WDR93: variants seen among roughly 807,000 people sequenced by gnomAD.
WDR93 encodes the protein WD repeat-containing protein 93.
WDR93 carries 73 observed loss-of-function variants against 82.9 expected under a neutral mutation model. The observed-to-expected ratio is 0.88, with a 90% CI of 0.73 to 1.07. The LOEUF is 1.07. WDR93 is among the 50% of genes least tolerant of loss of function. The pLI is 0.00. For synonymous variants in WDR93, 283 were observed against 300.1 expected (o/e 0.94, Z 0.59); for missense variants, 738 against 826.0 (o/e 0.89, Z 1.31).
intron 12 of WDR93, among the ~76,000 whole-genome samples, chr15:89,732,781 TC>T (rs1028153316): frequency 6.6e-6 from 1 of 152,030 alleles, no homozygotes; most frequent in South Asian, 2.1e-4. Flanking sequence ...CTCTTGCTTC[TC>T]CCCCTCCCCA....
intron 8 of WDR93, among the ~76,000 whole-genome samples, chr15:89,726,944 G>A (rs544888295): frequency 1.3e-5 from 2 of 152,294 alleles, no homozygotes; most frequent in South Asian, 4.1e-4. Context: ...TACAGAAGAA[G>A]GAGGACAGCA....
intron 4 of WDR93, among the ~76,000 whole-genome samples, chr15:89,705,903 A>T (rs1965705276): frequency 6.6e-6 from 1 of 152,200 alleles, no homozygotes; most frequent in African/African-American, 2.4e-5. Context: ...AGTACTCAAA[A>T]GTCCCTAAAT....
chr15:89,690,621 G>A (rs898502321), upstream of WDR93: 2 of 1,551,232 alleles, frequency 1.3e-6, no homozygotes, highest in Non-Finnish European at 8.7e-7. Context: ...TGAAGCGGGT[G>A]AAGGCGTCCA....
At chr15:89,735,694 A>T (rs1257681211) in intron 14 of WDR93, 141 bp downstream of exon 14, 1 of 810,924 alleles carries the variant, frequency 1.2e-6, no homozygotes, top group African/African-American at 1.7e-5. Flanking sequence ...TTACAAATAG[A>T]AAGAGAAAGA....
At chr15:89,705,690 G>C (rs1030042419) in intron 4 of WDR93, 72 bp downstream of exon 4, 13 of 979,952 alleles carry the variant, frequency 1.3e-5, no homozygotes, top group Admixed American at 9.2e-5. Flanking sequence ...TAATATGGAA[G>C]CAATGATAGC....
intron 5 of WDR93, among the ~76,000 whole-genome samples, chr15:89,712,800 T>C (rs1966053119): frequency 6.6e-6 from 1 of 152,032 alleles, no homozygotes; most frequent in Admixed American, 6.6e-5. Flanking sequence ...AGTCACTACA[T>C]CCAGACCACA....
upstream of WDR93, chr15:89,690,481 C>A (rs374243598): frequency 5.4e-5 from 47 of 868,424 alleles, no homozygotes; most frequent in African/African-American, 7.4e-4. Context: ...CTTCCATCTA[C>A]TAGGCTATCA....
chr15:89,719,579 T>C (rs775378806), intron 7 of WDR93: 9 of 152,316 alleles, frequency 5.9e-5, no homozygotes, highest in Non-Finnish European at 1.0e-4. Flanking sequence ...ATTCCTGATA[T>C]TGGTAATTTG....
At chr15:89,690,789 C>A, upstream of WDR93, 1 of 563,306 alleles carries the variant, frequency 1.8e-6, no homozygotes. Flanking sequence ...TTCTGTAGAG[C>A]AACTTCGCGG....
chr15:89,733,370 C>T (rs1463391415), intron 13 of WDR93, 151 bp downstream of exon 13: 1 of 711,054 alleles, frequency 1.4e-6, no homozygotes, highest in Non-Finnish European at 2.3e-6. Flanking sequence ...ACCAATGTCA[C>T]ATATATGTTA....
intron 3 of WDR93, chr15:89,705,016 G>A (rs1965663051): frequency 6.4e-6 from 1 of 155,882 alleles, no homozygotes; most frequent in Non-Finnish European, 1.4e-5. Flanking sequence ...AATTCATCGT[G>A]GGTGATGGTT....
intron 1 of WDR93, among the ~76,000 whole-genome samples, chr15:89,695,469 G>T (rs990681386): frequency 2.0e-5 from 3 of 152,100 alleles, no homozygotes; most frequent in Admixed American, 6.5e-5. Context: ...TGAGCTGCTA[G>T]AATTACAGGT....
chr15:89,732,924 C>T (rs1312999398), intron 12 of WDR93, 82 bp from the exon 13 acceptor site: 1 of 1,313,444 alleles, frequency 7.6e-7, no homozygotes, highest in Non-Finnish European at 1.1e-6. Context: ...GTCCCTCACA[C>T]ACTTGCTGGT....
chr15:89,737,359 C>T (rs139338930), intron 14 of WDR93, among the ~76,000 whole-genome samples: 3 of 152,316 alleles, frequency 2.0e-5, no homozygotes, highest in African/African-American at 4.8e-5. Context: ...CTGGAGCAGA[C>T]AGCATGTGGA....
intron 13 of WDR93, 99 bp downstream of exon 13, chr15:89,733,318 C>G: frequency 8.9e-7 from 1 of 1,119,554 alleles, no homozygotes; most frequent in South Asian, 1.5e-5. Flanking sequence ...TACAGTCCAC[C>G]TTTTGTATAG....
chr15:89,735,406 C>T (rs1407171240), intron 13 of WDR93, 84 bp from the exon 14 acceptor site: 2 of 1,395,774 alleles, frequency 1.4e-6, no homozygotes, highest in African/African-American at 1.4e-5. Flanking sequence ...CTCTGAATTT[C>T]TCCAGGATAT....
In WDR93 at chr15:89,711,962, G is replaced by T. The variant is rs189401257; in HGVS notation, c.562-64G>T. On this transcript the variant is annotated intron_variant, in intron 4 of 16. Coordinates refer to ENST00000268130, the MANE Select transcript of WDR93 (RefSeq NM_020212.2). ...TGTTCCTGGGTGCAGACCACAGAAGGTCCTGAAATACATTCTCTGTCAGCA... is the reference window on the plus strand; with the variant it reads ...TGTTCCTGGGTGCAGACCACAGAAGTTCCTGAAATACATTCTCTGTCAGCA... 4 of 1,352,564 alleles carry T rather than the reference G, an allele frequency of 3.0e-6. No homozygotes were observed. The East Asian group carries it at 9.4e-5, about 32-fold the overall frequency. The allele number at this position is 1,352,564 out of a possible 1,614,324, so 83.8% of individuals were successfully genotyped here.
chr15:89,703,829 T>G (rs1965593878), intron 3 of WDR93: 1 of 152,750 alleles, frequency 6.5e-6, no homozygotes, highest in Non-Finnish European at 1.5e-5. Context: ...TGTGAAGGCA[T>G]GCATCTCTCT....
Position 89,703,100 on chromosome 15 carries a change from G to C in WDR93, c.454G>C (p.Asp152His). 2 of 1,614,174 alleles carry C rather than the reference G, an allele frequency of 1.2e-6. No individual in the cohort carries two copies. Among genetic ancestry groups the C allele is most frequent in the Non-Finnish European group, 1.7e-6 (2 of 1,180,028 alleles). The change falls in exon 3 of 17, where the codon GAT becomes CAT. Residue 152 changes from aspartate (D) to histidine (H), a missense_variant. By Grantham distance (81) the Asp-to-His change is moderately conservative. Coordinates refer to ENST00000268130, the MANE Select transcript of WDR93 (RefSeq NM_020212.2). ...TGATGTCACTTCCATCTGGGCCACA[G>C]ATTTAGGGAATGAAATACTCATTGC... ...KVDVTSIWAT[D>H]LGNEILIAPV... is the part of the protein sequence containing the mutation.
Sources: gnomAD v4.1 joint callset for allele counts (sites outside exome capture counted in the v4.1 genomes callset) on GRCh38, gnomAD v4.1.1 for gene constraint, MANE v1.5 for transcripts, NCBI Gene and HGNC (gene_info 2026-07-23, HGNC 2026-07-21) for gene names.